AP2S1: variants seen among roughly 807,000 people sequenced by gnomAD.
The protein encoded by AP2S1 is AP-2 complex subunit sigma.
Under a neutral mutation model 21.0 loss-of-function variants are expected in AP2S1, and 6 were observed. The ratio of observed to expected loss-of-function variants is 0.29; its 90% confidence interval spans 0.16 to 0.56. The LOEUF is 0.56. AP2S1 is among the 20% of genes least tolerant of loss of function. The pLI is 0.92. For synonymous variants in AP2S1, 63 were observed against 74.6 expected (o/e 0.84, Z 0.80); for missense variants, 60 against 186.2 (o/e 0.32, Z 3.95).
At position 46,838,231 on chromosome 19, in the gene AP2S1, C is replaced by T. The variant is rs765259697; in HGVS notation, c.*216G>A. ...AGACGCTTATGGCATCACACGACAACGGCACGGTTACTCGGGACACACACG... is the reference window on the plus strand; with the variant it reads ...AGACGCTTATGGCATCACACGACAATGGCACGGTTACTCGGGACACACACG... On this transcript the variant is annotated 3_prime_UTR_variant, in exon 5 of 5. Transcript: ENST00000263270. This position sits in a 1 kb window ranked among gnomAD's most constrained non-coding sequence, Gnocchi z 4.1. 6.0e-5 allele frequency: 35 copies of T among 586,960 alleles called. No homozygotes were observed. Among genetic ancestry groups the T allele is most frequent in the African/African-American group, 4.3e-4 (23 of 53,510 alleles). 36.4% of individuals were successfully genotyped at this position (586,960 alleles called of 1,614,324 possible). A position where few individuals can be genotyped will look rare whatever the true frequency, so the allele number is the denominator to read the frequency against.
chr19:46,839,626 G>C, intron 2 of AP2S1, 48 bp from the exon 3 acceptor site: 2 of 1,613,296 alleles, frequency 1.2e-6, no homozygotes, highest in South Asian at 2.2e-5. Context: ...AGGACCTAAC[G>C]TGCCAGACAG....
rs2055455403 is a variant in AP2S1 at position 46,838,650 on chromosome 19, T to G, written c.327+90A>C. On this transcript the variant is annotated intron_variant, in intron 4 of 4. Transcript: ENST00000263270. The surrounding 1 kb of genome is among the most constrained non-coding windows in gnomAD (Gnocchi z 4.1). ...TGCCCCTCGAGCTGGGACACAGACC[T>G]CAGCAGAGGCTCCGGGTGGCTAGTG... 7 of 1,567,736 alleles carry G rather than the reference T, an allele frequency of 4.5e-6. No homozygotes were observed. The highest frequency in any genetic ancestry group is 1.4e-5 in the African/African-American group (1 of 73,912).
At chr19:46,845,892 T>G in intron 2 of AP2S1, 101 bp downstream of exon 2, 1 of 1,489,714 alleles carries the variant, frequency 6.7e-7, no homozygotes, top group Middle Eastern at 1.8e-4. Context: ...ATAGGATGGA[T>G]AGAGGGTCCA....
intron 3 of AP2S1, among the ~76,000 whole-genome samples, chr19:46,839,014 C>T (rs2055462646): frequency 6.6e-6 from 1 of 151,854 alleles, no homozygotes; most frequent in South Asian, 2.1e-4. Context: ...AGGTCAGGCG[C>T]GGTGGCTCAC....
rs371313326 is a variant in AP2S1, at chr19:46,838,834, C to T, written c.268-35G>A. On this transcript the variant is annotated intron_variant, in intron 3 of 4. Transcript: ENST00000263270. The surrounding 1 kb of genome is among the most constrained non-coding windows in gnomAD (Gnocchi z 4.1). Reference sequence around the variant, plus strand: ...GAAGGCAGAGATGGTAAGAGATGGGCAGGGAGAGAGCCACACACGCACAGA... The same window carrying T: ...GAAGGCAGAGATGGTAAGAGATGGGTAGGGAGAGAGCCACACACGCACAGA... The T allele has an allele frequency of 6.8e-5, 108 of 1,598,342 alleles. No homozygotes were observed. The highest frequency in any genetic ancestry group is 8.8e-5 in the Non-Finnish European group (103 of 1,166,704).
chr19:46,845,678 C>A, intron 2 of AP2S1: 1 of 198,782 alleles, frequency 5.0e-6, no homozygotes, highest in Non-Finnish European at 1.0e-5. Context: ...CTTTTTTAAT[C>A]GTAGGCAAAA....
intron 3 of AP2S1, 149 bp downstream of exon 3, chr19:46,839,316 A>C (rs1413406386): frequency 1.5e-6 from 1 of 685,930 alleles, no homozygotes; most frequent in Non-Finnish European, 2.2e-6. Context: ...AAAAAAAAAA[A>C]AGAAAAAGAA....
At chr19:46,840,369 A>G (rs111463985) in intron 2 of AP2S1, among the ~76,000 whole-genome samples, 1 of 147,460 alleles carries the variant, frequency 6.8e-6, no homozygotes, top group Non-Finnish European at 1.5e-5. Flanking sequence ...GTTCATTACA[A>G]AAAAAAAAAA....
chr19:46,845,438 T>TC (rs753474493), intron 2 of AP2S1, among the ~76,000 whole-genome samples: 2 of 129,716 alleles, frequency 1.5e-5, no homozygotes, highest in Non-Finnish European at 3.4e-5. Context: ...ATTAATTAAT[T>TC]AATTCAATTC....
intron 1 of AP2S1, among the ~76,000 whole-genome samples, chr19:46,848,011 C>T (rs2055667188): frequency 6.6e-6 from 1 of 152,150 alleles, no homozygotes; most frequent in South Asian, 2.1e-4. Context: ...TTTTCCAAAG[C>T]GTCTGCCACT....
chr19:46,846,908 C>G (rs571464377), intron 1 of AP2S1, among the ~76,000 whole-genome samples: 20 of 151,980 alleles, frequency 1.3e-4, no homozygotes, highest in Non-Finnish European at 2.6e-4. Context: ...TCAGGTGATC[C>G]GCCCGCCTCT....
intron 1 of AP2S1, 40 bp downstream of exon 1, chr19:46,850,724 C>T (rs746967297): frequency 4.6e-6 from 7 of 1,507,130 alleles, no homozygotes; most frequent in African/African-American, 4.2e-5. Context: ...ACGCGTGGGC[C>T]CCCCCTCCGC....
chr19:46,849,101 G>A (rs1378872432), intron 1 of AP2S1, among the ~76,000 whole-genome samples: 4 of 148,456 alleles, frequency 2.7e-5, no homozygotes, highest in African/African-American at 1.0e-4. Flanking sequence ...TGCCTCCCGG[G>A]TTCAAGCGAT....
rs916731041 is a variant in AP2S1 at position 46,841,921 on chromosome 19, G to A, written c.154-2343C>T. Among the ~76,000 whole-genome samples, 9 of 152,268 alleles carry A rather than the reference G, an allele frequency of 5.9e-5. No homozygotes were observed. The South Asian group carries it at 1.0e-3, about 18-fold the overall frequency. On this transcript the variant is annotated intron_variant, in intron 2 of 4. Transcript: ENST00000263270. Reference sequence around the variant, plus strand: ...AGAGATTGGACGACGGCCAGGTGCCGGGCCTCATGCCTATCATCCCAGCAC... The same window carrying A: ...AGAGATTGGACGACGGCCAGGTGCCAGGCCTCATGCCTATCATCCCAGCAC...
At chr19:46,839,424 G>GGCCCCCCCC in intron 3 of AP2S1, 41 bp downstream of exon 3, 6 of 1,504,488 alleles carry the variant, frequency 4.0e-6, no homozygotes, top group Non-Finnish European at 4.6e-6. Flanking sequence ...CTCCAGGGCT[G>GGCCCCCCCC]CCCACCCGCC....
At chr19:46,850,074 T>A (rs2055710909) in intron 1 of AP2S1, 1 of 1,193,134 alleles carries the variant, frequency 8.4e-7, no homozygotes, top group Non-Finnish European at 1.0e-6. Context: ...CCCCACAAGA[T>A]CTCTCCTCTT....
At position 46,850,608 on chromosome 19, in the gene AP2S1, T is replaced by C. The variant is rs997824680; in HGVS notation, c.3+156A>G. 8 of 709,528 alleles carry C rather than the reference T, an allele frequency of 1.1e-5. No homozygotes were observed. The African/African-American group carries it at 1.5e-4, about 13-fold the overall frequency. 44.0% of individuals were successfully genotyped at this position (709,528 alleles called of 1,614,324 possible). A position where few individuals can be genotyped will look rare whatever the true frequency, so the allele number is the denominator to read the frequency against. ...CGCGCAGAATCACCGCCCTGTGCCCTCCTTCCCGGCCCTGGATCGGTCCCA... is the reference window on the plus strand; with the variant it reads ...CGCGCAGAATCACCGCCCTGTGCCCCCCTTCCCGGCCCTGGATCGGTCCCA... On this transcript the variant is annotated intron_variant, in intron 1 of 4. Coordinates refer to ENST00000263270, the MANE Select transcript of AP2S1 (RefSeq NM_004069.6).
intron 2 of AP2S1, among the ~76,000 whole-genome samples, chr19:46,839,828 ATCCTGGAGAGTCAGGAGGG>A (rs2055486177): frequency 1.3e-5 from 1 of 75,906 alleles, no homozygotes. Flanking sequence ...ACCCCCTCTG[ATCCTGGAGAGTCAGGAGGG>A]CTTCCTGGAG....
At chr19:46,845,707 G>A (rs932407461) in intron 2 of AP2S1, 6 of 267,576 alleles carry the variant, frequency 2.2e-5, no homozygotes, top group African/African-American at 1.3e-4. Context: ...TAATAACAAT[G>A]CAGAACAAAA....
Sources: gnomAD v4.1 joint callset for allele counts (sites outside exome capture counted in the v4.1 genomes callset) on GRCh38, gnomAD v4.1.1 for gene constraint, Gnocchi (gnomAD v3.1) non-coding constraint, MANE v1.5 for transcripts, NCBI Gene and HGNC (gene_info 2026-07-23, HGNC 2026-07-21) for gene names.